The following CRKL variants were observed in gnomAD, a reference collection of about 807,000 sequenced individuals.
CRKL encodes the protein crk-like protein.
In CRKL, 3 loss-of-function variants were observed where a neutral mutation model predicts 23.0. That is an observed-to-expected ratio of 0.13 (90% CI 0.06 to 0.34). The LOEUF is 0.34. Ranked by LOEUF, CRKL falls within the 10% of genes least tolerant of loss-of-function variation. The pLI is 1.00. For missense variants in CRKL, 256 were observed against 394.5 expected (o/e 0.65, Z 2.97); for synonymous variants, 188 against 160.7 (o/e 1.17, Z -1.28).
chr22:20,927,710 G>A (rs1921276030), intron 1 of CRKL, among the ~76,000 whole-genome samples: 1 of 150,620 alleles, frequency 6.6e-6, no homozygotes, highest in Admixed American at 6.6e-5. Flanking sequence ...GGGCGTGGTG[G>A]TAGATGCCTG....
At chr22:20,932,398 A>G (rs943231838) in intron 1 of CRKL, among the ~76,000 whole-genome samples, 2 of 151,722 alleles carry the variant, frequency 1.3e-5, no homozygotes, top group African/African-American at 4.8e-5. Flanking sequence ...CGCCTGGTGG[A>G]TTTATTATTT....
intron 1 of CRKL, among the ~76,000 whole-genome samples, chr22:20,929,753 G>A (rs924388870): frequency 7.2e-5 from 11 of 152,138 alleles, no homozygotes; most frequent in African/African-American, 2.2e-4. Context: ...GAGCCACTGC[G>A]CCTGGGCAAC....
At chr22:20,934,267 T>C (rs775144956) in intron 2 of CRKL, 23 bp downstream of exon 2, 2 of 1,570,298 alleles carry the variant, frequency 1.3e-6, no homozygotes, top group South Asian at 1.2e-5. Context: ...CAGATTAGCT[T>C]TTTGGGTCCT....
In CRKL at chr22:20,945,767, C is replaced by T. The variant is rs2266952; in HGVS notation, c.778-3944C>T. On this transcript the variant is annotated intron_variant, in intron 2 of 2. Transcript: ENST00000354336. ...GAGAACACAGGGGCAGGCAGTGGACCCATGCAGCTCCGTGAGGGCCAGGGG... is the reference window on the plus strand; with the variant it reads ...GAGAACACAGGGGCAGGCAGTGGACTCATGCAGCTCCGTGAGGGCCAGGGG... Among the ~76,000 whole-genome samples the T allele has an allele frequency of 5.9e-3, 901 of 152,266 alleles. 8 individuals carry two copies. The highest frequency in any genetic ancestry group is 0.055 in the East Asian group (283 of 5,176).
At chr22:20,929,470 A>G (rs1016886430) in intron 1 of CRKL, among the ~76,000 whole-genome samples, 3 of 144,030 alleles carry the variant, frequency 2.1e-5, no homozygotes, top group Admixed American at 1.4e-4. Flanking sequence ...TGCCTTATCT[A>G]TTTAATTTTT....
At chr22:20,944,540 G>A (rs968323707) in intron 2 of CRKL, among the ~76,000 whole-genome samples, 1 of 151,998 alleles carries the variant, frequency 6.6e-6, no homozygotes, top group African/African-American at 2.4e-5. Flanking sequence ...AAGTAGCTGG[G>A]ACTACAGACA....
intron 2 of CRKL, among the ~76,000 whole-genome samples, chr22:20,939,486 T>G (rs1206118579): frequency 2.6e-5 from 4 of 152,038 alleles, no homozygotes; most frequent in Non-Finnish European, 5.9e-5. Context: ...GACCTCGTGA[T>G]CCACCTGCCT....
chr22:20,943,728 C>T (rs1021359098), intron 2 of CRKL, among the ~76,000 whole-genome samples: 1 of 152,280 alleles, frequency 6.6e-6, no homozygotes, highest in South Asian at 2.1e-4. Context: ...TGTGGTGGTG[C>T]ACACCTGTAA....
rs1399203058 is a variant in CRKL, at chr22:20,917,623, TGG to T, written c.-310_-309del. ...GGCCGGGAGTCACTGGAGGCACCCC[TGG>T]GACGCCGAGCAGCCCGAGAACCCCG... On this transcript the variant is annotated 5_prime_UTR_variant, in exon 1 of 3. Transcript: ENST00000354336. 2 of 409,352 alleles carry T rather than the reference TGG, an allele frequency of 4.9e-6. No individual in the cohort carries two copies. The highest frequency in any genetic ancestry group is 8.5e-5 in the East Asian group (2 of 23,610). 25.4% of individuals were successfully genotyped at this position (409,352 alleles called of 1,614,324 possible). A position where few individuals can be genotyped will look rare whatever the true frequency, so the allele number is the denominator to read the frequency against.
At chr22:20,947,243 T>C (rs570469262) in intron 2 of CRKL, among the ~76,000 whole-genome samples, 27 of 148,276 alleles carry the variant, frequency 1.8e-4, no homozygotes, top group East Asian at 9.9e-4. Context: ...CTCTCTCTCT[T>C]TTTTTTTTTT....
chr22:20,946,158 C>G (rs1299414209), intron 2 of CRKL, among the ~76,000 whole-genome samples: 1 of 152,182 alleles, frequency 6.6e-6, no homozygotes, highest in East Asian at 1.9e-4. Context: ...CAATCTCAGC[C>G]TATCAGTACA....
At chr22:20,925,186 CAA>C (rs11451684) in intron 1 of CRKL, among the ~76,000 whole-genome samples, 14 of 100,950 alleles carry the variant, frequency 1.4e-4, no homozygotes, top group South Asian at 3.3e-4. Context: ...GACTCCGTCT[CAA>C]AAAAAAAAAA....
intron 1 of CRKL, among the ~76,000 whole-genome samples, chr22:20,928,980 C>CT (rs1332841911): frequency 6.6e-6 from 1 of 152,004 alleles, no homozygotes; most frequent in Non-Finnish European, 1.5e-5. Flanking sequence ...CATGTAGAAA[C>CT]TGAGAACGCT....
chr22:20,927,382 G>A lies in CRKL; in HGVS notation c.312-6397G>A, dbSNP rs189584281. On this transcript the variant is annotated intron_variant, in intron 1 of 2. Coordinates refer to ENST00000354336, the MANE Select transcript of CRKL (RefSeq NM_005207.4). Reference sequence around the variant, plus strand: ...ATTTTTGTATTTTTAGTAGAGATGGGGTTTCACCATATTGGACCAGGCTGG... The same window carrying A: ...ATTTTTGTATTTTTAGTAGAGATGGAGTTTCACCATATTGGACCAGGCTGG... Among the ~76,000 whole-genome samples the A allele has an allele frequency of 2.6e-3, 394 of 148,936 alleles. 3 individuals carry two copies. The highest frequency in any genetic ancestry group is 9.2e-3 in the African/African-American group (373 of 40,442).
intron 2 of CRKL, among the ~76,000 whole-genome samples, chr22:20,935,904 C>T (rs1921642412): frequency 6.6e-6 from 1 of 152,116 alleles, no homozygotes; most frequent in African/African-American, 2.4e-5. Context: ...CCTGTAATCC[C>T]AGCACTTTGG....
In CRKL at chr22:20,952,231, G is replaced by A. The variant is rs1922306320; in HGVS notation, c.*2386G>A. 1 of 230,338 alleles carries A rather than the reference G, an allele frequency of 4.3e-6. No homozygotes were observed. Among genetic ancestry groups the A allele is most frequent in the Non-Finnish European group, 8.6e-6 (1 of 116,350 alleles). 14.3% of individuals were successfully genotyped at this position (230,338 alleles called of 1,614,324 possible). A position where few individuals can be genotyped will look rare whatever the true frequency, so the allele number is the denominator to read the frequency against. On this transcript the variant is annotated 3_prime_UTR_variant, in exon 3 of 3. Transcript: ENST00000354336. ...CAGCAGTTGACTCAGAGTGCAAGAA[G>A]TCTGGCCATTTTGGAAAGCAAGGTT...
chr22:20,941,009 CA>C (rs1921851010), intron 2 of CRKL, among the ~76,000 whole-genome samples: 1 of 152,014 alleles, frequency 6.6e-6, no homozygotes, highest in South Asian at 2.1e-4. Flanking sequence ...AAGAGATCAT[CA>C]TGAGTTCCTC....
At chr22:20,930,266 A>G (rs1921393684) in intron 1 of CRKL, among the ~76,000 whole-genome samples, 1 of 152,220 alleles carries the variant, frequency 6.6e-6, no homozygotes, top group Non-Finnish European at 1.5e-5. Flanking sequence ...GTAAAGGGTC[A>G]GATTTTAAAT....
At chr22:20,927,920 G>A (rs944121396) in intron 1 of CRKL, among the ~76,000 whole-genome samples, 5 of 150,660 alleles carry the variant, frequency 3.3e-5, no homozygotes, top group African/African-American at 1.2e-4. Context: ...CCAGCACTTT[G>A]GGAGGCCGAG....
Sources: allele counts gnomAD v4.1 joint callset (sites outside exome capture counted in the v4.1 genomes callset), GRCh38; gene constraint gnomAD v4.1.1; transcripts MANE v1.5; gene names NCBI Gene and HGNC (gene_info 2026-07-23, HGNC 2026-07-21).